Variants in PSMD14 observed in about 807,000 individuals in gnomAD.
PSMD14 encodes the protein proteasome 26S subunit, non-ATPase 14.
PSMD14 carries 7 observed loss-of-function variants against 41.2 expected under a neutral mutation model. The observed-to-expected ratio is 0.17, with a 90% CI of 0.10 to 0.32. The LOEUF is 0.32. PSMD14 is among the 10% of genes least tolerant of loss of function. PSMD14 has a pLI of 1.00. For synonymous variants in PSMD14, 114 were observed against 122.3 expected, an observed-to-expected ratio of 0.93 and a Z score of 0.45; for missense variants, 139 against 375.6, an observed-to-expected ratio of 0.37 and a Z score of 5.21.
intron 3 of PSMD14, among the ~76,000 whole-genome samples, chr2:161,336,514 T>C (rs1262436610): frequency 1.3e-5 from 2 of 152,328 alleles, no homozygotes; most frequent in East Asian, 1.9e-4. Flanking sequence ...TAGAATTACA[T>C]TGAAGAAGTA....
chr2:161,358,005 T>C (rs975047056), intron 3 of PSMD14, among the ~76,000 whole-genome samples: 4 of 152,170 alleles, frequency 2.6e-5, no homozygotes, highest in Non-Finnish European at 4.4e-5. Context: ...AACTATGCTC[T>C]TGATTAAGCA....
At chr2:161,369,748 C>T (rs1683407646) in intron 5 of PSMD14, among the ~76,000 whole-genome samples, 2 of 152,020 alleles carry the variant, frequency 1.3e-5, no homozygotes, top group East Asian at 1.9e-4. Flanking sequence ...GGATGAGGCT[C>T]ATTTTAGTCA....
chr2:161,312,103 AC>A (rs1309796564), intron 1 of PSMD14, among the ~76,000 whole-genome samples: 1 of 152,080 alleles, frequency 6.6e-6, no homozygotes, highest in Non-Finnish European at 1.5e-5. Flanking sequence ...GATAACAAAT[AC>A]GGAGTAGCTT....
chr2:161,340,692 T>C (rs1682940388), intron 3 of PSMD14: 2 of 1,526,164 alleles, frequency 1.3e-6, no homozygotes, highest in Non-Finnish European at 1.8e-6. Flanking sequence ...TCAGCAGATT[T>C]ATGGAGGCAG....
chr2:161,316,751 T>C (rs900135355), intron 2 of PSMD14, among the ~76,000 whole-genome samples, 182 bp downstream of exon 2: 1 of 152,234 alleles, frequency 6.6e-6, no homozygotes, highest in African/African-American at 2.4e-5. Context: ...TTAGTATTTT[T>C]ATTAAACCTG....
chr2:161,379,845 C>G (rs1342754535), intron 7 of PSMD14, among the ~76,000 whole-genome samples: 1 of 151,986 alleles, frequency 6.6e-6, no homozygotes, highest in African/African-American at 2.4e-5. Flanking sequence ...AGTCCTTGAG[C>G]CAAAATTAGC....
At chr2:161,395,240 T>C (rs766781062) in intron 10 of PSMD14, 37 bp downstream of exon 10, 2 of 1,496,028 alleles carry the variant, frequency 1.3e-6, no homozygotes, top group Non-Finnish European at 9.1e-7. Flanking sequence ...TTTATAATCT[T>C]TGGAATATGT....
chr2:161,353,040 A>G (rs1036938767), intron 3 of PSMD14, among the ~76,000 whole-genome samples: 1 of 152,162 alleles, frequency 6.6e-6, no homozygotes, highest in Non-Finnish European at 1.5e-5. Context: ...TTATAATTTT[A>G]TTAAAAGAAT....
chr2:161,313,942 T>G (rs1225583683), intron 1 of PSMD14, among the ~76,000 whole-genome samples: 1 of 152,210 alleles, frequency 6.6e-6, no homozygotes, highest in Non-Finnish European at 1.5e-5. Flanking sequence ...TTAGTGGCAT[T>G]AAGTATATTC....
intron 3 of PSMD14, among the ~76,000 whole-genome samples, chr2:161,346,766 G>C (rs373137894): frequency 6.6e-6 from 1 of 151,402 alleles, no homozygotes; most frequent in Non-Finnish European, 1.5e-5. Context: ...CTAATTTTGT[G>C]AATTCTGAAA....
chr2:161,385,388 C>T (rs1574137796), intron 7 of PSMD14, 76 bp from the exon 8 acceptor site: 1 of 693,472 alleles, frequency 1.4e-6, no homozygotes, highest in Non-Finnish European at 2.5e-6. Flanking sequence ...GCACGTCGAT[C>T]ATGCCTTGTC....
chr2:161,366,600 G>A (rs944324670), intron 3 of PSMD14, among the ~76,000 whole-genome samples: 5 of 152,008 alleles, frequency 3.3e-5, no homozygotes, highest in South Asian at 2.1e-4. Context: ...AGCAAAACAC[G>A]ACCTGGCAAT....
intron 7 of PSMD14, among the ~76,000 whole-genome samples, chr2:161,375,572 T>G (rs542475699): frequency 1.3e-5 from 2 of 152,140 alleles, no homozygotes; most frequent in South Asian, 4.1e-4. Flanking sequence ...ATGGGAAGAA[T>G]GTAGAAACAA....
chr2:161,342,102 A>G (rs1349731859), intron 3 of PSMD14, among the ~76,000 whole-genome samples: 3 of 152,102 alleles, frequency 2.0e-5, no homozygotes, highest in Non-Finnish European at 4.4e-5. Flanking sequence ...TCCAGTTACT[A>G]CAGCACCACT....
At chr2:161,345,417 A>G (rs894227175) in intron 3 of PSMD14, among the ~76,000 whole-genome samples, 2 of 150,844 alleles carry the variant, frequency 1.3e-5, no homozygotes, top group East Asian at 1.9e-4. Context: ...TAATTTTTCT[A>G]TTTTTTGTAC....
intron 3 of PSMD14, among the ~76,000 whole-genome samples, chr2:161,351,637 A>G (rs150794172): frequency 9.7e-4 from 148 of 152,340 alleles, no homozygotes; most frequent in African/African-American, 3.4e-3. Context: ...TAGTCAGGAA[A>G]GGTTGATTAT....
chr2:161,391,859 A>G (rs1330029395), intron 9 of PSMD14, among the ~76,000 whole-genome samples: 2 of 152,134 alleles, frequency 1.3e-5, no homozygotes, highest in Non-Finnish European at 2.9e-5. Context: ...TCAGCCTTCT[A>G]AAGTGCTGCA....
intron 8 of PSMD14, among the ~76,000 whole-genome samples, chr2:161,389,418 A>T (rs1360650341): frequency 6.6e-6 from 1 of 152,188 alleles, no homozygotes; most frequent in Non-Finnish European, 1.5e-5. Context: ...CACAGATTAA[A>T]GGAAGCCCTG....
intron 3 of PSMD14, chr2:161,340,760 G>T: frequency 6.2e-7 from 1 of 1,611,556 alleles, no homozygotes; most frequent in Non-Finnish European, 8.5e-7. Flanking sequence ...TATCTCTCAA[G>T]CTTTTAAGAT....
Sources: allele counts gnomAD v4.1 joint callset (sites outside exome capture counted in the v4.1 genomes callset), GRCh38; gene constraint gnomAD v4.1.1; transcripts MANE v1.5; gene names NCBI Gene and HGNC (gene_info 2026-07-23, HGNC 2026-07-21).